The following TFB1M variants were observed in gnomAD, a reference collection of about 807,000 sequenced individuals.
TFB1M encodes dimethyladenosine transferase 1, mitochondrial.
In TFB1M, 27 loss-of-function variants were observed where a neutral mutation model predicts 31.1. The ratio of observed to expected loss-of-function variants is 0.87; its 90% CI spans 0.64 to 1.20. The LOEUF (loss-of-function observed/expected upper bound fraction) is 1.20. Among genes scored for constraint, TFB1M ranks in the 50% most tolerant of loss-of-function variants. The pLI is 0.00. For synonymous variants in TFB1M, 166 were observed against 151.8 expected, an observed-to-expected ratio of 1.09 and a Z score of -0.69; for missense variants, 394 against 418.7, an observed-to-expected ratio of 0.94 and a Z score of 0.51.
chr6:155,290,439 ATATT>A (rs1383944502), intron 4 of TFB1M, among the ~76,000 whole-genome samples: 1 of 151,768 alleles, frequency 6.6e-6, no homozygotes, highest in East Asian at 1.9e-4. Context: ...TAGTATATAT[ATATT>A]CTCCCACTGA....
chr6:155,265,528 T>C (rs948171259), intron 5 of TFB1M, among the ~76,000 whole-genome samples: 6 of 151,596 alleles, frequency 4.0e-5, no homozygotes, highest in South Asian at 2.1e-4. Flanking sequence ...ATTTTAGGAT[T>C]AGGTCAAATC....
At chr6:155,304,745 CT>C (rs1777592717) in intron 2 of TFB1M, among the ~76,000 whole-genome samples, 1 of 151,898 alleles carries the variant, frequency 6.6e-6, no homozygotes, top group South Asian at 2.1e-4. Context: ...GGCGGAGCAA[CT>C]TTTTTAGAGT....
chr6:155,248,224 G>T, the TFB1M span: 2 of 1,572,988 alleles, frequency 1.3e-6, no homozygotes, highest in African/African-American at 1.4e-5. Context: ...GCACAGGGCG[G>T]CGAGGGGCTG....
intron 2 of TFB1M, among the ~76,000 whole-genome samples, chr6:155,305,150 AAATATATATT>A (rs1471959010): frequency 1.8e-5 from 2 of 111,958 alleles, no homozygotes; most frequent in Non-Finnish European, 3.4e-5. Flanking sequence ...TTATATATAT[AAATATATATT>A]AAATTATATA....
intron 2 of TFB1M, 102 bp downstream of exon 2, chr6:155,311,085 GA>G: frequency 7.4e-7 from 1 of 1,343,936 alleles, no homozygotes; most frequent in East Asian, 2.3e-5. Flanking sequence ...TATAGTTGAG[GA>G]AAAACCTACA....
At position 155,257,098 on chromosome 6, in the gene TFB1M, AC is replaced by A; in HGVS notation, c.*737del. 6.2e-7 allele frequency: 1 copy of A among 1,613,992 alleles called. No homozygotes were observed. The highest frequency in any genetic ancestry group is 1.3e-5 in the African/African-American group (1 of 74,942). ...TGTCAGTGAGGAGTGTTTTTATGAA[AC>A]AGAGAGCCACGGAAAATCATAGTAT... On this transcript the variant is annotated 3_prime_UTR_variant, in exon 7 of 7. Coordinates refer to ENST00000367166, the MANE Select transcript of TFB1M (RefSeq NM_016020.4).
At chr6:155,309,572 A>G (rs1276678053) in intron 2 of TFB1M, among the ~76,000 whole-genome samples, 2 of 152,186 alleles carry the variant, frequency 1.3e-5, no homozygotes, top group African/African-American at 2.4e-5. Flanking sequence ...AAAGAGGGGA[A>G]TATGTGGGAA....
rs776199149 is a variant in TFB1M, at chr6:155,257,863, C to CTCT, written c.1011_1013dup (p.Glu338dup). The stretch of plus-strand genomic sequence containing the variant: ...AGAGTCTGTAATTCTCTGCGTCATC[C>CTCT]TCTTCTTTTTCTTCATTTTTGCTTT... On this transcript the variant is annotated inframe_insertion, in exon 7 of 7. Coordinates refer to ENST00000367166, the MANE Select transcript of TFB1M (RefSeq NM_016020.4). 11 of 1,614,062 alleles carry CTCT rather than the reference C, an allele frequency of 6.8e-6. No individual in the cohort carries two copies. The highest frequency in any genetic ancestry group is 3.3e-5 in the Admixed American group (2 of 60,008).
chr6:155,245,804 A>C, the TFB1M span: 2 of 1,014,774 alleles, frequency 2.0e-6, no homozygotes, highest in Non-Finnish European at 2.8e-6. Context: ...GTAAATCTGT[A>C]TTTAACAAGT....
chr6:155,261,307 A>T (rs998377276), intron 5 of TFB1M, among the ~76,000 whole-genome samples: 5 of 152,248 alleles, frequency 3.3e-5, no homozygotes. Context: ...GTTAATGAGG[A>T]TCTCATACAG....
chr6:155,257,189 G>GAAAAAA lies in TFB1M; in HGVS notation c.*646_*647insTTTTTT. 6 of 535,404 alleles carry GAAAAAA rather than the reference G, an allele frequency of 1.1e-5. No homozygotes were observed. Among genetic ancestry groups the GAAAAAA allele is most frequent in the East Asian group, 4.4e-5 (1 of 22,582 alleles). 33.2% of individuals were successfully genotyped at this position (535,404 alleles called of 1,614,324 possible). A position where few individuals can be genotyped will look rare whatever the true frequency, so the allele number is the denominator to read the frequency against. The stretch of plus-strand genomic sequence containing the variant: ...TTAAACTGGTGGTAAAGTGGAAATT[G>GAAAAAA]CAAAAAAAAAAAAAAAAAAAAACTG... On this transcript the variant is annotated 3_prime_UTR_variant, in exon 7 of 7. Coordinates refer to ENST00000367166, the MANE Select transcript of TFB1M (RefSeq NM_016020.4).
intron 5 of TFB1M, among the ~76,000 whole-genome samples, chr6:155,269,796 G>A (rs1200013805): frequency 6.6e-6 from 1 of 152,206 alleles, no homozygotes. Context: ...GTCCTGCTTA[G>A]AAATAAAATT....
intron 2 of TFB1M, among the ~76,000 whole-genome samples, chr6:155,307,255 A>G (rs1053473793): frequency 6.6e-6 from 1 of 152,132 alleles, no homozygotes; most frequent in Admixed American, 6.5e-5. Context: ...AAAGCTGTAA[A>G]ACAAAGTGTA....
chr6:155,305,569 T>TTATA lies in TFB1M; in HGVS notation c.285+5615_285+5618dup, dbSNP rs569350896. 4.0e-4 allele frequency among the ~76,000 whole-genome samples: 20 copies of TTATA among 50,220 alleles called. 3 individuals are homozygous for TTATA. The highest frequency in any genetic ancestry group is 1.8e-3 in the African/African-American group (17 of 9,470). The allele number at this position is 50,220 out of a possible 152,430, so 32.9% of individuals were successfully genotyped here. Reference sequence around the variant, plus strand: ...TATAAATATATATTAAATTATATATTTATATATATATTAAATTATATATTT... The same window carrying TTATA: ...TATAAATATATATTAAATTATATATTTATATATATATATATTAAATTATATATTT... On this transcript the variant is annotated intron_variant, in intron 2 of 6. Coordinates refer to ENST00000367166, the MANE Select transcript of TFB1M (RefSeq NM_016020.4).
chr6:155,281,458 A>G (rs1398220592), intron 5 of TFB1M, among the ~76,000 whole-genome samples: 1 of 152,212 alleles, frequency 6.6e-6, no homozygotes, highest in Non-Finnish European at 1.5e-5. Context: ...GTGGTGGCTC[A>G]TGCCTGTAAT....
At position 155,298,529 on chromosome 6, in the gene TFB1M, T is replaced by A; in HGVS notation, c.342A>T (p.Thr114=). ...CTGAAAAAGCCTTTTCTACCTTAAATGTCAAGACATCTCCATGAACAATTC... is the reference window on the plus strand; with the variant it reads ...CTGAAAAAGCCTTTTCTACCTTAAAAGTCAAGACATCTCCATGAACAATTC... ...KLRIVHGDVL[T]FKVEKAFSES... Residue 114 remains threonine (T), a synonymous_variant, in exon 3 of 7, where the codon ACA becomes ACT. Coordinates refer to ENST00000367166, the MANE Select transcript of TFB1M (RefSeq NM_016020.4). 6.2e-7 allele frequency: 1 copy of A among 1,613,618 alleles called. No homozygotes were observed. Among genetic ancestry groups the A allele is most frequent in the Non-Finnish European group, 8.5e-7 (1 of 1,179,728 alleles).
chr6:155,287,292 C>G (rs934051734), intron 4 of TFB1M, among the ~76,000 whole-genome samples: 13 of 151,924 alleles, frequency 8.6e-5, no homozygotes, highest in African/African-American at 2.9e-4. Flanking sequence ...AGAACATATC[C>G]TAGAGCACAG....
In TFB1M at chr6:155,285,237, A is replaced by T. The variant is rs2114739531; in HGVS notation, c.587T>A (p.Leu196His). The change falls in exon 5 of 7, where the codon CTC becomes CAC. Residue 196 changes from leucine (L) to histidine (H), a missense_variant. By Grantham distance (99) the Leu-to-His change is moderately conservative. Around this residue, in one of 3 missense-constraint regions of TFB1M, gnomAD observed 273 missense variants for 256.4 expected, o/e 1.06. Coordinates refer to ENST00000367166, the MANE Select transcript of TFB1M (RefSeq NM_016020.4). ...ANTGSKQRSRLSVMAQYLCNV... is the reference protein window; with the variant it reads ...ANTGSKQRSRHSVMAQYLCNV... ...GCAGAGGTACTGAGCCATAACAGAGAGGCGACTACGCTGTTTGCTTCCTGT... is the reference window on the plus strand; with the variant it reads ...GCAGAGGTACTGAGCCATAACAGAGTGGCGACTACGCTGTTTGCTTCCTGT... 1 of 1,614,088 alleles carries T rather than the reference A, an allele frequency of 6.2e-7. No homozygotes were observed. Among genetic ancestry groups the T allele is most frequent in the Non-Finnish European group, 8.5e-7 (1 of 1,179,906 alleles).
chr6:155,253,343 A>G, downstream of TFB1M: 1 of 378,334 alleles, frequency 2.6e-6, no homozygotes, highest in Non-Finnish European at 4.7e-6. Flanking sequence ...ATGTGTTAGA[A>G]GAACAAAGAT....
Sources: allele counts gnomAD v4.1 joint callset (sites outside exome capture counted in the v4.1 genomes callset), GRCh38; gene constraint gnomAD v4.1.1; regional missense constraint gnomAD v4.1.1; transcripts MANE v1.5; gene names NCBI Gene and HGNC (gene_info 2026-07-23, HGNC 2026-07-21).